LRP1B: variants seen among roughly 807,000 people sequenced by gnomAD.
LRP1B encodes the protein LDL receptor related protein 1B.
LRP1B carries 217 observed loss-of-function variants against 556.6 expected under a neutral mutation model. The ratio of observed to expected loss-of-function variants is 0.39; its 90% CI spans 0.35 to 0.44. LRP1B has a LOEUF of 0.44. LRP1B is among the 20% of genes least tolerant of loss of function. The probability of loss-of-function intolerance (pLI) is 1.00; values close to 1 mark genes in which losing one functional copy is unlikely to be tolerated. For missense variants in LRP1B, 5,053 were observed against 5,620.8 expected (o/e 0.90, Z 3.23); for synonymous variants, 2,047 against 1,865.8 (o/e 1.10, Z -2.50).
intron 3 of LRP1B, among the ~76,000 whole-genome samples, chr2:141,283,757 G>A (rs1376434899): frequency 6.7e-6 from 1 of 150,078 alleles, no homozygotes; most frequent in Admixed American, 6.7e-5. Context: ...CACCACATCC[G>A]GCTAATTTTT....
At chr2:140,605,129 C>T (rs927366116) in intron 41 of LRP1B, among the ~76,000 whole-genome samples, 1 of 152,072 alleles carries the variant, frequency 6.6e-6, no homozygotes, top group African/African-American at 2.4e-5. Context: ...TGAAGTCCTC[C>T]TTGATTGTGT....
rs1010758719 is a variant in LRP1B, at chr2:140,977,599, T to A, written c.2887+4561A>T. On this transcript the variant is annotated intron_variant, in intron 18 of 90. Transcript: ENST00000389484. ...TTAGGGTGGTGCAACAGTAATTGCG[T>A]TTTTTTTTGTTGTTGTTCTCCATAC... Among the ~76,000 whole-genome samples, 56 of 4,042 alleles carry A rather than the reference T, an allele frequency of 0.014. No individual in the cohort carries two copies. In the Middle Eastern group the frequency reaches 0.21, roughly 15 times the overall value. 2.7% of individuals were successfully genotyped at this position (4,042 alleles called of 152,430 possible).
chr2:141,283,005 A>G (rs1170700359), intron 3 of LRP1B, among the ~76,000 whole-genome samples: 1 of 152,138 alleles, frequency 6.6e-6, no homozygotes, highest in East Asian at 1.9e-4. Context: ...AGTCCTTGAT[A>G]ACAGAGAGTC....
intron 41 of LRP1B, among the ~76,000 whole-genome samples, chr2:140,690,495 C>A (rs1345476348): frequency 6.6e-6 from 1 of 152,004 alleles, no homozygotes; most frequent in Non-Finnish European, 1.5e-5. Context: ...ATTCACAGAT[C>A]TCAGCCACAG....
intron 2 of LRP1B, among the ~76,000 whole-genome samples, chr2:141,642,916 T>C (rs1689396787): frequency 6.6e-6 from 1 of 152,058 alleles, no homozygotes; most frequent in Non-Finnish European, 1.5e-5. Flanking sequence ...AAATAAATCA[T>C]GCAGTGAAAG....
chr2:140,547,366 C>T (rs1254833745), intron 43 of LRP1B, among the ~76,000 whole-genome samples: 1 of 151,940 alleles, frequency 6.6e-6, no homozygotes, highest in East Asian at 1.9e-4. Flanking sequence ...CAATTTTTTT[C>T]CTGGCTCAAT....
At chr2:141,918,428 G>A (rs927782407) in intron 1 of LRP1B, among the ~76,000 whole-genome samples, 5 of 152,090 alleles carry the variant, frequency 3.3e-5, no homozygotes, top group African/African-American at 1.2e-4. Flanking sequence ...TCTTTTTCAT[G>A]TATGTATTTG....
chr2:140,412,862 C>T (rs920605029), intron 66 of LRP1B, among the ~76,000 whole-genome samples: 2 of 151,878 alleles, frequency 1.3e-5, no homozygotes, highest in Non-Finnish European at 2.9e-5. Context: ...TAGGTTGTGT[C>T]AACTTAACTA....
intron 1 of LRP1B, among the ~76,000 whole-genome samples, chr2:141,992,583 T>G (rs940230947): frequency 6.6e-6 from 1 of 152,160 alleles, no homozygotes; most frequent in African/African-American, 2.4e-5. Flanking sequence ...AACACCATGA[T>G]TAAGAAACAT....
intron 8 of LRP1B, among the ~76,000 whole-genome samples, chr2:141,059,416 A>C (rs1448730874): frequency 2.0e-5 from 3 of 151,782 alleles, no homozygotes; most frequent in Admixed American, 2.0e-4. Flanking sequence ...TTTAAGGGCT[A>C]CTTGTTTATA....
chr2:141,373,301 GA>G (rs761381215), intron 3 of LRP1B, among the ~76,000 whole-genome samples: 23 of 152,156 alleles, frequency 1.5e-4, no homozygotes, highest in South Asian at 8.3e-4. Context: ...ACGTGCTAAC[GA>G]AAACGATGAA....
chr2:141,012,455 A>T (rs957914669), intron 14 of LRP1B, among the ~76,000 whole-genome samples: 3 of 152,020 alleles, frequency 2.0e-5, no homozygotes, highest in African/African-American at 2.4e-5. Context: ...TGCAGGGTTT[A>T]TATGAATATA....
chr2:140,628,398 A>G (rs1043068897), intron 41 of LRP1B, among the ~76,000 whole-genome samples: 8 of 151,996 alleles, frequency 5.3e-5, no homozygotes, highest in Admixed American at 1.3e-4. Flanking sequence ...TTAGCCGGGC[A>G]TGGTGGCGGG....
At chr2:141,192,583 A>G (rs1681565152) in intron 6 of LRP1B, among the ~76,000 whole-genome samples, 1 of 151,838 alleles carries the variant, frequency 6.6e-6, no homozygotes, top group Non-Finnish European at 1.5e-5. Context: ...ATATTTTTTT[A>G]GTTGCTACTT....
At chr2:142,096,943 G>T (rs1706394182) in intron 1 of LRP1B, among the ~76,000 whole-genome samples, 1 of 151,150 alleles carries the variant, frequency 6.6e-6, no homozygotes, top group Admixed American at 6.6e-5. Flanking sequence ...TTAATGTTTA[G>T]TTCCAAAATC....
intron 11 of LRP1B, among the ~76,000 whole-genome samples, chr2:141,047,054 T>TTAATAATAATAA (rs70991134): frequency 1.4e-3 from 100 of 70,652 alleles, no homozygotes; most frequent in Middle Eastern, 0.015. Flanking sequence ...TGCACAAAAA[T>TTAATAATAATAA]TAATAATAAT....
chr2:140,526,184 C>T (rs1690424975), intron 48 of LRP1B, 53 bp downstream of exon 48: 65 of 1,535,232 alleles, frequency 4.2e-5, no homozygotes, highest in Non-Finnish European at 5.9e-5. Flanking sequence ...GTGTTCAATG[C>T]AATGCCAAAA....
rs529788180 is a variant in LRP1B at position 141,753,282 on chromosome 2, A to C, written c.205+56997T>G. On this transcript the variant is annotated intron_variant, in intron 2 of 90. Coordinates refer to ENST00000389484, the MANE Select transcript of LRP1B (RefSeq NM_018557.3). Reference sequence around the variant, plus strand: ...TCTCTCCATATATATATATATATATATCCCAGATGATTCCCATGTGCAGCC... The same window carrying C: ...TCTCTCCATATATATATATATATATCTCCCAGATGATTCCCATGTGCAGCC... 1.3e-4 allele frequency among the ~76,000 whole-genome samples: 18 copies of C among 136,062 alleles called. 2 individuals carry two copies. Among genetic ancestry groups the C allele is most frequent in the African/African-American group, 4.7e-4 (17 of 36,320 alleles). 89.3% of individuals were successfully genotyped at this position (136,062 alleles called of 152,430 possible).
intron 3 of LRP1B, among the ~76,000 whole-genome samples, chr2:141,453,936 A>AT (rs1246360820): frequency 6.7e-6 from 1 of 150,048 alleles, no homozygotes; most frequent in African/African-American, 2.4e-5. Context: ...GAAAAAAAAA[A>AT]GTTCTAGTGT....
Sources: gnomAD v4.1 joint callset for allele counts (sites outside exome capture counted in the v4.1 genomes callset) on GRCh38, gnomAD v4.1.1 for gene constraint, MANE v1.5 for transcripts, NCBI Gene and HGNC (gene_info 2026-07-23, HGNC 2026-07-21) for gene names.